Variants in RRM1 observed in about 807,000 individuals in gnomAD.
The protein encoded by RRM1 is ribonucleotide reductase catalytic subunit M1, also known as ribonucleoside-diphosphate reductase large subunit.
Under a neutral mutation model 101.5 loss-of-function variants are expected in RRM1, and 19 were observed. That is an observed-to-expected ratio of 0.19 (90% CI 0.13 to 0.27). The LOEUF is 0.27. Ranked by LOEUF, RRM1 falls within the 10% of genes least tolerant of loss-of-function variation. RRM1 has a pLI of 1.00. For missense variants in RRM1, 500 were observed against 962.9 expected (o/e 0.52, Z 6.36); for synonymous variants, 298 against 323.4 (o/e 0.92, Z 0.84).
chr11:4,114,623 C>A (rs930539955), intron 7 of RRM1, among the ~76,000 whole-genome samples: 3 of 151,636 alleles, frequency 2.0e-5, no homozygotes, highest in African/African-American at 7.3e-5. Context: ...ACATTGTGCA[C>A]ACTAAATTTA....
chr11:4,112,025 C>A lies in RRM1; in HGVS notation c.613C>A (p.Leu205Ile), dbSNP rs1198743977. ...GTGGTTTACTCATGCTTCGCCCACT[C>A]TCTTCAATGCTGGTACCAACCGCCC... ...ERWFTHASPT[L>I]FNAGTNRPQL... The change falls in exon 7 of 19, where the codon CTC becomes ATC. Residue 205 changes from leucine (L) to isoleucine (I), a missense_variant. Physicochemically the swap from Leu to Ile is conservative, Grantham distance 5. Coordinates refer to ENST00000300738, the MANE Select transcript of RRM1 (RefSeq NM_001033.5). The A allele has an allele frequency of 6.2e-7, 1 of 1,614,100 alleles. No individual in the cohort carries two copies. Among genetic ancestry groups the A allele is most frequent in the South Asian group, 1.1e-5 (1 of 91,060 alleles).
chr11:4,095,078 G>A, intron 1 of RRM1, 47 bp downstream of exon 1: 2 of 1,550,868 alleles, frequency 1.3e-6, no homozygotes, highest in Middle Eastern at 2.2e-4. Flanking sequence ...GGGGATGCGG[G>A]CTGCCGCCGC....
At position 4,138,353 on chromosome 11, in the gene RRM1, T is replaced by C. The variant is rs1209180851; in HGVS notation, c.2349T>C (p.Asn783=). 9.9e-6 allele frequency: 16 copies of C among 1,609,454 alleles called. No homozygotes were observed. In the South Asian group the frequency reaches 1.6e-4, roughly 16 times the overall value. Residue 783 remains asparagine, a synonymous_variant, in exon 19 of 19, where the codon AAT becomes AAC. Transcript: ENST00000300738. ...NTAAMVCSLE[N]RDECLMCGS ...CAGCCATGGTGTGCTCTTTGGAGAA[T>C]AGAGATGAATGTCTGATGTGTGGAT...
intron 2 of RRM1, chr11:4,105,578 C>CTTTTTTTTTTTTTTTT: frequency 4.6e-5 from 13 of 281,536 alleles, no homozygotes; most frequent in Non-Finnish European, 6.2e-5. Flanking sequence ...TTTTTCTTTC[C>CTTTTTTTTTTTTTTTT]TTTTTTTTTT....
intron 1 of RRM1, among the ~76,000 whole-genome samples, chr11:4,098,308 C>A (rs2094546350): frequency 6.9e-6 from 1 of 144,870 alleles, no homozygotes. Flanking sequence ...CTTTCTTCCT[C>A]CCTCCCTTCC....
intron 12 of RRM1, among the ~76,000 whole-genome samples, chr11:4,124,777 T>C (rs2094586901): frequency 1.3e-5 from 2 of 152,070 alleles, no homozygotes; most frequent in Non-Finnish European, 2.9e-5. Context: ...GAGTTCTTTC[T>C]TTTTGCAAAT....
At chr11:4,109,218 A>G (rs887477123) in intron 4 of RRM1, among the ~76,000 whole-genome samples, 8 of 150,982 alleles carry the variant, frequency 5.3e-5, no homozygotes, top group Non-Finnish European at 8.9e-5. Context: ...TAAAATAAAT[A>G]TATATATATA....
At chr11:4,100,041 C>G (rs1312007251) in intron 1 of RRM1, among the ~76,000 whole-genome samples, 2 of 152,150 alleles carry the variant, frequency 1.3e-5, no homozygotes, top group East Asian at 1.9e-4. Flanking sequence ...GGTTTCAGTC[C>G]CAGTGCCAGC....
chr11:4,138,256 C>G lies in RRM1; in HGVS notation c.2252C>G (p.Thr751Ser). 6.2e-7 allele frequency: 1 copy of G among 1,607,404 alleles called. No individual in the cohort carries two copies. The highest frequency in any genetic ancestry group is 8.5e-7 in the Non-Finnish European group (1 of 1,174,246). ...CCAGCGGCTAATCCAATCCAGTTCA[C>G]TCTAAATAAGGAGAAGCTAAAAGAT... ...TRPAANPIQF[T>S]LNKEKLKDKE... Residue 751 changes from threonine to serine, a missense_variant, in exon 19 of 19, where the codon ACT becomes AGT. Thr to Ser is a moderately conservative substitution (Grantham distance 58). Around this residue, in one of 9 missense-constraint regions of RRM1, gnomAD observed 79 missense variants for 176.4 expected, o/e 0.45. Coordinates refer to ENST00000300738, the MANE Select transcript of RRM1 (RefSeq NM_001033.5).
chr11:4,122,000 G>T, intron 10 of RRM1, 141 bp from the exon 11 acceptor site: 1 of 714,548 alleles, frequency 1.4e-6, no homozygotes, highest in Non-Finnish European at 2.3e-6. Flanking sequence ...TAGATGTTTG[G>T]GCCTGAACCT....
chr11:4,110,428 C>T (rs748141439), intron 5 of RRM1, among the ~76,000 whole-genome samples: 45 of 152,088 alleles, frequency 3.0e-4, no homozygotes, highest in Non-Finnish European at 6.3e-4. Context: ...CCTGGGATTA[C>T]AGGCATGAGC....
At chr11:4,133,322 A>G (rs772952543) in intron 16 of RRM1, among the ~76,000 whole-genome samples, 3 of 152,114 alleles carry the variant, frequency 2.0e-5, no homozygotes, top group African/African-American at 4.8e-5. Flanking sequence ...GATTACAGGC[A>G]TGCTGCGCCA....
At chr11:4,126,374 T>G (rs574048180) in intron 12 of RRM1, among the ~76,000 whole-genome samples, 4 of 152,232 alleles carry the variant, frequency 2.6e-5, no homozygotes, top group African/African-American at 9.6e-5. Flanking sequence ...GATAGGTATA[T>G]GTAAAAAGCT....
chr11:4,098,429 C>A (rs999191723), intron 1 of RRM1, among the ~76,000 whole-genome samples: 5 of 81,674 alleles, frequency 6.1e-5, no homozygotes, highest in African/African-American at 1.9e-4. Context: ...TTCCTTCCTT[C>A]CTTCCTTCCT....
chr11:4,136,035 A>G (rs1012504080), intron 18 of RRM1, among the ~76,000 whole-genome samples: 1 of 151,918 alleles, frequency 6.6e-6, no homozygotes, highest in African/African-American at 2.4e-5. Flanking sequence ...AGTCATATGC[A>G]TAAAAACAAA....
intron 12 of RRM1, among the ~76,000 whole-genome samples, chr11:4,124,197 G>T (rs1028325253): frequency 6.6e-6 from 1 of 152,158 alleles, no homozygotes; most frequent in African/African-American, 2.4e-5. Context: ...GAGGAAAATA[G>T]CATCAAAATG....
intron 16 of RRM1, among the ~76,000 whole-genome samples, chr11:4,133,205 C>T (rs1415513193): frequency 6.6e-6 from 1 of 152,124 alleles, no homozygotes; most frequent in African/African-American, 2.4e-5. Context: ...GAGAAAATGT[C>T]TCACTTTGTC....
intron 4 of RRM1, among the ~76,000 whole-genome samples, chr11:4,109,012 T>G (rs921770859): frequency 3.3e-5 from 5 of 152,200 alleles, no homozygotes; most frequent in Non-Finnish European, 5.9e-5. Context: ...TATTTTCCTC[T>G]GAATGACTTT....
chr11:4,095,211 C>T (rs1405169305), intron 1 of RRM1, among the ~76,000 whole-genome samples, 180 bp downstream of exon 1: 1 of 152,208 alleles, frequency 6.6e-6, no homozygotes, highest in Non-Finnish European at 1.5e-5. Flanking sequence ...CTGCCCCGAA[C>T]CTCCTTCGGG....
Sources: allele counts gnomAD v4.1 joint callset (sites outside exome capture counted in the v4.1 genomes callset), GRCh38; gene constraint gnomAD v4.1.1; regional missense constraint gnomAD v4.1.1; transcripts MANE v1.5; gene names NCBI Gene and HGNC (gene_info 2026-07-23, HGNC 2026-07-21).